NRXN1: variants seen among roughly 807,000 people sequenced by gnomAD.
NRXN1 encodes neurexin 1.
NRXN1 carries 39 observed loss-of-function variants against 150.9 expected under a neutral mutation model. The ratio of observed to expected loss-of-function variants is 0.26; its 90% CI spans 0.20 to 0.34. The LOEUF is 0.34. Ranked by LOEUF, NRXN1 falls within the 10% of genes least tolerant of loss-of-function variation. The pLI, the probability that NRXN1 is intolerant of heterozygous loss-of-function variation, is 1.00. For missense variants in NRXN1, 1,815 were observed against 1,949.9 expected (o/e 0.93, Z 1.30); for synonymous variants, 924 against 757.0 (o/e 1.22, Z -3.62).
chr2:50,527,349 T>C (rs72880042), intron 12 of NRXN1, among the ~76,000 whole-genome samples: 3,706 of 152,270 alleles, frequency 0.024, 153 homozygotes, highest in African/African-American at 0.084. Context: ...CTTTTAGGAA[T>C]GCATGGAGGA....
At chr2:49,962,617 T>C (rs998204660) in intron 21 of NRXN1, among the ~76,000 whole-genome samples, 1 of 152,060 alleles carries the variant, frequency 6.6e-6, no homozygotes, top group Non-Finnish European at 1.5e-5. Flanking sequence ...CATGCAATGA[T>C]GGAGAGTAAC....
At chr2:50,912,563 T>A (rs1326274381) in intron 5 of NRXN1, among the ~76,000 whole-genome samples, 1 of 151,878 alleles carries the variant, frequency 6.6e-6, no homozygotes, top group Non-Finnish European at 1.5e-5. Context: ...TGTTTTAATG[T>A]GAGTGAAACA....
chr2:50,197,212 T>C (rs17040141), intron 18 of NRXN1, among the ~76,000 whole-genome samples: 35,377 of 152,026 alleles, frequency 0.23, 4,977 homozygotes, highest in East Asian at 0.41. Context: ...TTTTTTTAGA[T>C]GCATAACAGT....
intron 2 of NRXN1, among the ~76,000 whole-genome samples, chr2:50,990,898 A>T (rs1229520328): frequency 6.6e-6 from 1 of 152,010 alleles, no homozygotes; most frequent in African/African-American, 2.4e-5. Context: ...GTAACAACAG[A>T]CAGAGCAAAG....
At position 50,623,572 on chromosome 2, in the gene NRXN1, G is replaced by A. The variant is rs768098016; in HGVS notation, c.876C>T (p.Phe292=). The A allele has an allele frequency of 1.2e-6, 2 of 1,613,148 alleles. No homozygotes were observed. Among genetic ancestry groups the A allele is most frequent in the Admixed American group, 1.7e-5 (1 of 59,900 alleles). The change falls in exon 6 of 23, where the codon TTC becomes TTT. Residue 292 remains phenylalanine, a synonymous_variant. Transcript: ENST00000401669. ...YIATFKGSEY[F]CYDLSQNPIQ... is the part of the protein sequence containing the mutation. ...TGGGGTTTTGAGACAAGTCGTAGCA[G>A]AAGTATTCAGATCCTTTGAACGTGG...
At chr2:50,545,272 T>A (rs2093469849) in intron 9 of NRXN1, among the ~76,000 whole-genome samples, 1 of 152,222 alleles carries the variant, frequency 6.6e-6, no homozygotes, top group African/African-American at 2.4e-5. Context: ...TTCACAGCAA[T>A]GTATAGACAC....
intron 2 of NRXN1, among the ~76,000 whole-genome samples, chr2:51,021,636 G>C (rs1669631109): frequency 6.6e-6 from 1 of 151,778 alleles, no homozygotes; most frequent in African/African-American, 2.4e-5. Flanking sequence ...AACTTTTAAA[G>C]CCAAATATAT....
At chr2:50,642,338 T>G (rs1387632570) in intron 5 of NRXN1, among the ~76,000 whole-genome samples, 1 of 152,040 alleles carries the variant, frequency 6.6e-6, no homozygotes, top group East Asian at 1.9e-4. Context: ...TTGAGATACA[T>G]TTCATTACAA....
At chr2:50,695,235 G>C (rs1488133745) in intron 5 of NRXN1, among the ~76,000 whole-genome samples, 1 of 152,118 alleles carries the variant, frequency 6.6e-6, no homozygotes, top group Non-Finnish European at 1.5e-5. Flanking sequence ...TTGTACTTGA[G>C]ATTCCTTCAG....
intron 5 of NRXN1, among the ~76,000 whole-genome samples, chr2:50,812,812 GAA>G (rs1384825124): frequency 6.7e-6 from 1 of 148,544 alleles, no homozygotes; most frequent in Non-Finnish European, 1.5e-5. Context: ...AAAAAAAAAA[GAA>G]AAGGAAAAGT....
At chr2:50,811,148 C>T (rs191026545) in intron 5 of NRXN1, among the ~76,000 whole-genome samples, 5 of 152,146 alleles carry the variant, frequency 3.3e-5, no homozygotes, top group African/African-American at 1.2e-4. Context: ...GGTGTTTTTG[C>T]CTTTATTCCT....
At chr2:50,470,112 C>T (rs1176763751) in intron 16 of NRXN1, among the ~76,000 whole-genome samples, 1 of 151,592 alleles carries the variant, frequency 6.6e-6, no homozygotes, top group Non-Finnish European at 1.5e-5. Context: ...AAGTCACATA[C>T]CAAACAACTT....
intron 5 of NRXN1, among the ~76,000 whole-genome samples, chr2:50,812,429 A>T (rs1217087353): frequency 1.3e-5 from 2 of 152,172 alleles, no homozygotes; most frequent in Non-Finnish European, 2.9e-5. Context: ...ACAGACGACA[A>T]GCATTATGCA....
chr2:50,534,922 A>T (rs1252628297), intron 10 of NRXN1, among the ~76,000 whole-genome samples: 1 of 152,202 alleles, frequency 6.6e-6, no homozygotes, highest in Non-Finnish European at 1.5e-5. Context: ...CAGAGAAAAA[A>T]ATAATCAGAA....
chr2:50,759,911 ACTC>A (rs1400485068), intron 5 of NRXN1, among the ~76,000 whole-genome samples: 1 of 150,036 alleles, frequency 6.7e-6, no homozygotes, highest in Non-Finnish European at 1.5e-5. Flanking sequence ...GGTGAAGATC[ACTC>A]CTATATTATA....
intron 19 of NRXN1, among the ~76,000 whole-genome samples, chr2:50,088,630 C>T (rs544487873): frequency 2.0e-5 from 3 of 152,104 alleles, no homozygotes; most frequent in East Asian, 1.9e-4. Flanking sequence ...CTTCTTATTA[C>T]GATACTGCTC....
intron 17 of NRXN1, 24 bp downstream of exon 17, chr2:50,465,418 G>A: frequency 1.3e-6 from 2 of 1,593,306 alleles, no homozygotes; most frequent in East Asian, 2.3e-5. Context: ...ATGAGTATCA[G>A]TCCATACTCA....
chr2:50,501,920 T>C (rs543430072), intron 13 of NRXN1, among the ~76,000 whole-genome samples: 116 of 152,240 alleles, frequency 7.6e-4, no homozygotes, highest in Non-Finnish European at 5.9e-5. Flanking sequence ...TATGGGAAAA[T>C]GTAGGACTTT....
At chr2:50,018,151 C>G (rs1261937580) in intron 21 of NRXN1, among the ~76,000 whole-genome samples, 1 of 152,138 alleles carries the variant, frequency 6.6e-6, no homozygotes, top group East Asian at 1.9e-4. Context: ...CTGGCAGAAT[C>G]TGGAACTATA....
Sources: gnomAD v4.1 joint callset for allele counts (sites outside exome capture counted in the v4.1 genomes callset) on GRCh38, gnomAD v4.1.1 for gene constraint, MANE v1.5 for transcripts, NCBI Gene and HGNC (gene_info 2026-07-23, HGNC 2026-07-21) for gene names.